Variants in KRT86 observed in about 807,000 individuals in gnomAD.
KRT86 encodes the protein keratin, type II cuticular Hb6.
KRT86 carries 30 observed loss-of-function variants against 41.2 expected under a neutral mutation model. That is an observed-to-expected ratio of 0.73 (90% CI 0.54 to 0.99). The LOEUF (loss-of-function observed/expected upper bound fraction) is 0.99, where lower values mean the gene tolerates loss of function less well. KRT86 is among the 50% of genes least tolerant of loss of function. KRT86 has a pLI of 0.00. For synonymous variants in KRT86, 238 were observed against 238.1 expected, an observed-to-expected ratio of 1.00 and a Z score of 0.00; for missense variants, 561 against 571.4, an observed-to-expected ratio of 0.98 and a Z score of 0.19.
chr12:52,306,031 A>C, intron 8 of KRT86, 29 bp from the exon 9 acceptor site: 1 of 1,613,094 alleles, frequency 6.2e-7, no homozygotes, highest in African/African-American at 1.3e-5. Flanking sequence ...AGGGACTCTA[A>C]TCTACCTTGT....
chr12:52,284,518 C>T (rs1937865397), intron 2 of KRT86, among the ~76,000 whole-genome samples: 1 of 152,172 alleles, frequency 6.6e-6, no homozygotes, highest in African/African-American at 2.4e-5. Context: ...TGTGTGATGT[C>T]ACAGCATACA....
intron 9 of KRT86, 87 bp from the exon 10 acceptor site, chr12:52,308,146 G>A: frequency 6.4e-7 from 1 of 1,573,656 alleles, no homozygotes; most frequent in Non-Finnish European, 8.7e-7. Context: ...TGCCCAGATG[G>A]AGGGCCACAG....
intron 6 of KRT86, 36 bp downstream of exon 6, chr12:52,305,063 C>T (rs571931067): frequency 2.5e-6 from 4 of 1,612,458 alleles, no homozygotes; most frequent in South Asian, 2.2e-5. Flanking sequence ...ACCTGGCAGC[C>T]AGCAGAGAGG....
In KRT86 at chr12:52,287,005, T is replaced by G; in HGVS notation, c.-5+11059T>G. On this transcript the variant is annotated intron_variant, in intron 2 of 10. Transcript: ENST00000423955. The stretch of plus-strand genomic sequence containing the variant: ...CCGGAAGTGAATAATAATATTTTTT[T>G]CCCCCAGAGCCCTGGCCATTGCTCA... The G allele has an allele frequency of 1.9e-6, 3 of 1,602,742 alleles. No homozygotes were observed. In the South Asian group the frequency reaches 3.3e-5, roughly 18 times the overall value.
At chr12:52,292,344 A>G (rs540856034) in intron 2 of KRT86, among the ~76,000 whole-genome samples, 9 of 152,362 alleles carry the variant, frequency 5.9e-5, no homozygotes, top group Non-Finnish European at 1.0e-4. Context: ...GAAAATTAAC[A>G]ATAATTCCAA....
intron 2 of KRT86, among the ~76,000 whole-genome samples, chr12:52,293,636 C>G (rs1389519235): frequency 6.6e-6 from 1 of 152,032 alleles, no homozygotes; most frequent in Non-Finnish European, 1.5e-5. Context: ...TGCAGCACCC[C>G]GTGGCTAAGA....
intron 2 of KRT86, among the ~76,000 whole-genome samples, chr12:52,283,966 G>A (rs775867771): frequency 1.2e-4 from 18 of 152,196 alleles, no homozygotes; most frequent in Non-Finnish European, 2.5e-4. Flanking sequence ...AGGGAGGTGA[G>A]GATTGTGGGG....
At chr12:52,299,398 A>T (rs970195047) in intron 2 of KRT86, among the ~76,000 whole-genome samples, 2 of 152,200 alleles carry the variant, frequency 1.3e-5, no homozygotes, top group African/African-American at 4.8e-5. Flanking sequence ...ATAGCGCTGC[A>T]ATAAACGTGG....
intron 2 of KRT86, among the ~76,000 whole-genome samples, chr12:52,278,215 C>T (rs1323162682): frequency 6.6e-6 from 1 of 152,052 alleles, no homozygotes; most frequent in Non-Finnish European, 1.5e-5. Context: ...AGGCATATTG[C>T]ATTGATCACC....
chr12:52,308,508 G>C lies in KRT86; in HGVS notation c.1384G>C (p.Val462Leu). 6.2e-7 allele frequency: 1 copy of C among 1,606,960 alleles called. No individual in the cohort carries two copies. The highest frequency in any genetic ancestry group is 8.5e-7 in the Non-Finnish European group (1 of 1,179,876). ...RVSSVPSNSNVVVGTTNACAP... is the reference protein window; with the variant it reads ...RVSSVPSNSNLVVGTTNACAP... ...CAGTAGCGTCCCCAGCAACAGCAAC[G>C]TGGTGGTGGGCACTACTAACGCCTG... The change falls in exon 11 of 11, where the codon GTG becomes CTG. Residue 462 changes from valine (V) to leucine (L), a missense_variant. Physicochemically the swap from Val to Leu is conservative, Grantham distance 32. Transcript: ENST00000423955.
intron 2 of KRT86, among the ~76,000 whole-genome samples, chr12:52,296,893 C>T (rs1186262562): frequency 1.3e-5 from 2 of 152,238 alleles, no homozygotes; most frequent in Non-Finnish European, 2.9e-5. Flanking sequence ...GATGTAGAGC[C>T]TACAGGCTGC....
rs1260810932 is a variant in KRT86 at position 52,286,984 on chromosome 12, A to C, written c.-5+11038A>C. 9 of 1,579,262 alleles carry C rather than the reference A, an allele frequency of 5.7e-6. No individual in the cohort carries two copies. In the Admixed American group the frequency reaches 1.4e-4, roughly 24 times the overall value. ...CACACACCAGCCCTCCCCACACCGG[A>C]AGTGAATAATAATATTTTTTTCCCC... is the stretch of plus-strand genomic sequence containing the variant. On this transcript the variant is annotated intron_variant, in intron 2 of 10. Transcript: ENST00000423955.
chr12:52,291,627 T>C, intron 2 of KRT86: 1 of 1,149,846 alleles, frequency 8.7e-7, no homozygotes, highest in Admixed American at 2.3e-5. Context: ...CTTTATGGGC[T>C]TGGGTGGTTA....
chr12:52,308,616 C>G lies in KRT86; in HGVS notation c.*31C>G, dbSNP rs752778941. On this transcript the variant is annotated 3_prime_UTR_variant, in exon 11 of 11. Coordinates refer to ENST00000423955, the MANE Select transcript of KRT86 (RefSeq NM_001320198.2). ...TGCCGCCTCCGCCAGCGCCTGTCGC[C>G]GTCACTCTCCACCCAGCCAGTACCT... 6 of 1,586,268 alleles carry G rather than the reference C, an allele frequency of 3.8e-6. No homozygotes were observed. Among genetic ancestry groups the G allele is most frequent in the South Asian group, 1.1e-5 (1 of 90,258 alleles).
intron 2 of KRT86, chr12:52,286,516 C>T: frequency 6.5e-7 from 1 of 1,550,344 alleles, no homozygotes; most frequent in Non-Finnish European, 8.7e-7. Context: ...AAGGCTGAGT[C>T]AAAATTCTGA....
rs556110486 is a variant in KRT86 at position 52,275,792 on chromosome 12, A to G, written c.-130-29A>G. ...TGTCTGGCCTCCTCACCTCCTGACT[A>G]CAGCTCCCCTCTGCCGTCTGCTCCA... On this transcript the variant is annotated intron_variant, in intron 1 of 10. Transcript: ENST00000423955. 32 of 982,272 alleles carry G rather than the reference A, an allele frequency of 3.3e-5. No individual in the cohort carries two copies. The African/African-American group carries it at 5.6e-4, about 17-fold the overall frequency. The allele number at this position is 982,272 out of a possible 1,614,324, so 60.8% of individuals were successfully genotyped here.
At chr12:52,299,084 C>T (rs1473259534) in intron 2 of KRT86, among the ~76,000 whole-genome samples, 3 of 152,208 alleles carry the variant, frequency 2.0e-5, no homozygotes, top group African/African-American at 7.2e-5. Flanking sequence ...TACTCATTAA[C>T]ACGTCTTTAT....
chr12:52,288,653 A>G (rs1297391887), intron 2 of KRT86, among the ~76,000 whole-genome samples: 2 of 151,814 alleles, frequency 1.3e-5, no homozygotes, highest in Non-Finnish European at 1.5e-5. Context: ...GTTTGCCTTG[A>G]CCATGCCTCA....
intron 2 of KRT86, chr12:52,291,479 G>A (rs772904497): frequency 6.2e-7 from 1 of 1,612,568 alleles, no homozygotes; most frequent in East Asian, 2.2e-5. Flanking sequence ...CCTCCTGGAC[G>A]TTTGGGTTGC....
Sources: gnomAD v4.1 joint callset for allele counts (sites outside exome capture counted in the v4.1 genomes callset) on GRCh38, gnomAD v4.1.1 for gene constraint, MANE v1.5 for transcripts, NCBI Gene and HGNC (gene_info 2026-07-23, HGNC 2026-07-21) for gene names.